KLHL1: variants seen among roughly 807,000 people sequenced by gnomAD.
The protein encoded by KLHL1 is kelch like family member 1.
In KLHL1, 47 loss-of-function variants were observed where a neutral mutation model predicts 77.7. The ratio of observed to expected loss-of-function variants is 0.60; its 90% CI spans 0.48 to 0.77. The LOEUF is 0.77. KLHL1 is among the 30% of genes least tolerant of loss of function. KLHL1 has a pLI of 0.00. For missense variants in KLHL1, 925 were observed against 910.8 expected (o/e 1.02, Z -0.20); for synonymous variants, 360 against 325.2 (o/e 1.11, Z -1.15).
chr13:70,087,328 T>A (rs1887567208), intron 1 of KLHL1, among the ~76,000 whole-genome samples: 1 of 152,064 alleles, frequency 6.6e-6, no homozygotes, highest in South Asian at 2.1e-4. Context: ...AACAGCCGCA[T>A]CCAGACCACA....
At chr13:69,948,294 A>T (rs926717845) in intron 3 of KLHL1, among the ~76,000 whole-genome samples, 3 of 152,042 alleles carry the variant, frequency 2.0e-5, no homozygotes, top group Non-Finnish European at 4.4e-5. Context: ...CTATTTCTTT[A>T]TGTATATATC....
At chr13:69,818,217 A>ATTTTTTTTTTTTT (rs1878195724) in intron 6 of KLHL1, among the ~76,000 whole-genome samples, 10 of 124,428 alleles carry the variant, frequency 8.0e-5, no homozygotes, top group African/African-American at 3.1e-4. Context: ...ACTCATAGGC[A>ATTTTTTTTTTTTT]TCTTTTTTTT....
intron 1 of KLHL1, among the ~76,000 whole-genome samples, chr13:69,992,545 GA>G (rs1885052927): frequency 1.3e-5 from 2 of 152,144 alleles, no homozygotes; most frequent in African/African-American, 4.8e-5. Flanking sequence ...CTACTTTGTA[GA>G]TGAGGAGACC....
At chr13:69,879,676 A>T (rs902302912) in intron 5 of KLHL1, among the ~76,000 whole-genome samples, 31 of 152,174 alleles carry the variant, frequency 2.0e-4, no homozygotes, top group African/African-American at 7.2e-4. Context: ...TCCTTTATTC[A>T]ATTAAACTTT....
chr13:70,020,736 T>C (rs1885767621), intron 1 of KLHL1, among the ~76,000 whole-genome samples: 1 of 152,042 alleles, frequency 6.6e-6, no homozygotes, highest in African/African-American at 2.4e-5. Context: ...GAAGTGACAA[T>C]ACTAGTGTAT....
At chr13:69,840,250 C>G (rs138529409) in intron 5 of KLHL1, among the ~76,000 whole-genome samples, 12,237 of 151,770 alleles carry the variant, frequency 0.081, 919 homozygotes, top group African/African-American at 0.2. Context: ...TTGAGACAAA[C>G]TCTCACTCTG....
chr13:69,718,713 C>G (rs932659968), intron 9 of KLHL1, among the ~76,000 whole-genome samples: 1 of 152,080 alleles, frequency 6.6e-6, no homozygotes, highest in Admixed American at 6.6e-5. Flanking sequence ...CTCAGCGATA[C>G]CTGTGCCAGA....
chr13:69,736,679 G>GATAT (rs139208405), intron 8 of KLHL1, among the ~76,000 whole-genome samples: 18,162 of 145,886 alleles, frequency 0.12, 1,438 homozygotes, highest in East Asian at 0.25. Context: ...GAGATTGTGA[G>GATAT]ATATATATAT....
intron 9 of KLHL1, among the ~76,000 whole-genome samples, chr13:69,715,794 C>T (rs1242204920): frequency 6.6e-6 from 1 of 151,750 alleles, no homozygotes; most frequent in African/African-American, 2.4e-5. Context: ...AATAATATAT[C>T]GAATGAGAAA....
At chr13:69,751,082 T>C (rs1355169727) in intron 7 of KLHL1, among the ~76,000 whole-genome samples, 3 of 151,132 alleles carry the variant, frequency 2.0e-5, no homozygotes, top group African/African-American at 7.3e-5. Flanking sequence ...TCTACAAGCC[T>C]CTAATATCTT....
chr13:69,824,063 G>A (rs1878449602), intron 6 of KLHL1, among the ~76,000 whole-genome samples: 1 of 151,938 alleles, frequency 6.6e-6, no homozygotes, highest in Non-Finnish European at 1.5e-5. Context: ...CACATTAAGT[G>A]CTGCATGTTC....
intron 4 of KLHL1, among the ~76,000 whole-genome samples, chr13:69,920,956 T>G (rs777614446): frequency 9.2e-5 from 14 of 152,176 alleles, no homozygotes; most frequent in Non-Finnish European, 1.9e-4. Flanking sequence ...AACATATCCA[T>G]AAGGTCTGTT....
intron 7 of KLHL1, among the ~76,000 whole-genome samples, chr13:69,785,562 G>T (rs1314297403): frequency 1.3e-5 from 2 of 150,320 alleles, no homozygotes; most frequent in Non-Finnish European, 3.0e-5. Flanking sequence ...AAGCAGGAAA[G>T]ATCCAAAATT....
chr13:69,947,500 T>C (rs969305040), intron 3 of KLHL1, among the ~76,000 whole-genome samples: 8 of 152,024 alleles, frequency 5.3e-5, no homozygotes, highest in Admixed American at 2.6e-4. Flanking sequence ...TTGATAATAA[T>C]ACACTTCATA....
chr13:69,773,207 C>T (rs1875660812), intron 7 of KLHL1, among the ~76,000 whole-genome samples: 1 of 152,068 alleles, frequency 6.6e-6, no homozygotes, highest in East Asian at 1.9e-4. Flanking sequence ...CTGCTATACA[C>T]TTTAAGGGAA....
At chr13:69,878,597 G>A (rs1396395118) in intron 5 of KLHL1, among the ~76,000 whole-genome samples, 1 of 151,576 alleles carries the variant, frequency 6.6e-6, no homozygotes, top group African/African-American at 2.4e-5. Flanking sequence ...TATTAAATAA[G>A]CAATATATAA....
chr13:70,029,852 C>T (rs1360952377), intron 1 of KLHL1, among the ~76,000 whole-genome samples: 1 of 152,122 alleles, frequency 6.6e-6, no homozygotes, highest in Non-Finnish European at 1.5e-5. Flanking sequence ...ATTCATGAGA[C>T]CCATCTCATG....
At chr13:69,751,895 G>A (rs564874208) in intron 7 of KLHL1, among the ~76,000 whole-genome samples, 8 of 148,170 alleles carry the variant, frequency 5.4e-5, no homozygotes, top group Non-Finnish European at 3.0e-5. Context: ...GAAGGACTCA[G>A]GAAATATTTG....
chr13:70,042,889 G>T (rs1309613455), intron 1 of KLHL1, among the ~76,000 whole-genome samples: 1 of 152,168 alleles, frequency 6.6e-6, no homozygotes, highest in Non-Finnish European at 1.5e-5. Flanking sequence ...GGGGAAGACA[G>T]TGATATTGAT....
Sources: gnomAD v4.1 joint callset for allele counts (sites outside exome capture counted in the v4.1 genomes callset) on GRCh38, gnomAD v4.1.1 for gene constraint, MANE v1.5 for transcripts, NCBI Gene and HGNC (gene_info 2026-07-23, HGNC 2026-07-21) for gene names.